LRGUK: variants seen among roughly 807,000 people sequenced by gnomAD.
The protein encoded by LRGUK is leucine-rich repeat and guanylate kinase domain-containing protein.
LRGUK carries 65 observed loss-of-function variants against 76.0 expected under a neutral mutation model. The ratio of observed to expected loss-of-function variants is 0.85; its 90% confidence interval spans 0.70 to 1.05. The LOEUF (loss-of-function observed/expected upper bound fraction) is 1.05, where lower values mean the gene tolerates loss of function less well. LRGUK is among the 50% of genes least tolerant of loss of function. The probability of loss-of-function intolerance (pLI) is 0.00; values close to 1 mark genes in which losing one functional copy is unlikely to be tolerated. For synonymous variants in LRGUK, 268 were observed against 265.6 expected (o/e 1.01, Z -0.09); for missense variants, 758 against 732.8 (o/e 1.03, Z -0.40).
rs532319659 is a variant in LRGUK at position 134,140,691 on chromosome 7, T to C, written c.487+1174T>C. On this transcript the variant is annotated intron_variant, in intron 3 of 15. Transcript: ENST00000645682. ...TCTCTGTTTGATTCTGGGGTTTTTTTCCCCTTCTAGGACCCTAATAAAGTC... is the reference window on the plus strand; with the variant it reads ...TCTCTGTTTGATTCTGGGGTTTTTTCCCCCTTCTAGGACCCTAATAAAGTC... 3.2e-3 allele frequency among the ~76,000 whole-genome samples: 490 copies of C among 152,102 alleles called. 1 individual carries two copies. The highest frequency in any genetic ancestry group is 0.011 in the African/African-American group (468 of 41,480).
chr7:134,271,772 A>G, the LRGUK span, among the ~76,000 whole-genome samples: 3 of 152,044 alleles, frequency 2.0e-5, no homozygotes, highest in African/African-American at 4.8e-5. Flanking sequence ...GGACAAATGT[A>G]TCTTTAGTGA....
At chr7:134,129,426 C>CCTCT (rs1173197144) in intron 1 of LRGUK, among the ~76,000 whole-genome samples, 3 of 41,866 alleles carry the variant, frequency 7.2e-5, no homozygotes, top group African/African-American at 3.2e-4. Flanking sequence ...CCCACCCCTC[C>CCTCT]CTCCCCTCCC....
intron 3 of LRGUK, 135 bp downstream of exon 3, chr7:134,139,652 C>A: frequency 1.7e-6 from 1 of 581,962 alleles, no homozygotes; most frequent in Non-Finnish European, 2.9e-6. Flanking sequence ...CCTTTGCTTT[C>A]CATGTAAAAA....
chr7:134,179,116 GA>G lies in LRGUK; in HGVS notation c.1214+509del, dbSNP rs111906360. Among the ~76,000 whole-genome samples the G allele has an allele frequency of 8.7e-3, 1,328 of 152,110 alleles. 26 individuals carry two copies. The highest frequency in any genetic ancestry group is 0.031 in the African/African-American group (1,272 of 41,496). On this transcript the variant is annotated intron_variant, in intron 10 of 15. Transcript: ENST00000645682. ...ACATTATTAGGGAGTCCCTTAGAAG[GA>G]AGCCCAGCTAGCCTAAGGAAAACCT...
At chr7:134,164,366 T>C (rs1798883630) in intron 7 of LRGUK, among the ~76,000 whole-genome samples, 1 of 152,158 alleles carries the variant, frequency 6.6e-6, no homozygotes, top group African/African-American at 2.4e-5. Context: ...GCATGGTGGC[T>C]TGGGGACTGG....
intron 5 of LRGUK, 120 bp downstream of exon 5, chr7:134,148,439 G>A (rs973026540): frequency 3.5e-5 from 22 of 622,166 alleles, no homozygotes; most frequent in Non-Finnish European, 5.8e-5. Flanking sequence ...TAATAGAGAC[G>A]TGACTTATTT....
At chr7:134,230,350 A>G (rs565832517) in intron 16 of LRGUK, among the ~76,000 whole-genome samples, 1 of 152,190 alleles carries the variant, frequency 6.6e-6, no homozygotes, top group Non-Finnish European at 1.5e-5. Flanking sequence ...TATAAAGACT[A>G]TCAATATGTG....
In LRGUK at chr7:134,174,540, T is replaced by G; in HGVS notation, c.940-16T>G. ...TGCATTTAGTCTGTTGATAATTTTT[T>G]TCTTTGATTGAACAGATTGCTGAGC... On this transcript the variant is annotated splice_polypyrimidine_tract_variant and intron_variant, in intron 7 of 15. Coordinates refer to ENST00000645682, the Ensembl canonical transcript of LRGUK. 6.6e-7 allele frequency: 1 copy of G among 1,525,174 alleles called. No homozygotes were observed. Among genetic ancestry groups the G allele is most frequent in the South Asian group, 1.1e-5 (1 of 87,786 alleles). The allele number at this position is 1,525,174 out of a possible 1,614,324, so 94.5% of individuals were successfully genotyped here.
At chr7:134,236,075 C>A (rs775771820) in intron 16 of LRGUK, among the ~76,000 whole-genome samples, 10 of 152,078 alleles carry the variant, frequency 6.6e-5, no homozygotes, top group African/African-American at 9.7e-5. Context: ...TCTATGTTAT[C>A]AAAATACAAT....
intron 1 of LRGUK, among the ~76,000 whole-genome samples, chr7:134,128,015 G>T (rs1384406874): frequency 6.6e-6 from 1 of 151,206 alleles, no homozygotes; most frequent in African/African-American, 2.4e-5. Context: ...TGAATAGGCA[G>T]AGTTCATCTC....
intron 5 of LRGUK, among the ~76,000 whole-genome samples, chr7:134,150,135 C>T (rs1455635410): frequency 9.9e-5 from 15 of 152,102 alleles, no homozygotes; most frequent in African/African-American, 2.9e-4. Context: ...ATTAGCCAGG[C>T]GTGGTGGCGG....
intron 1 of LRGUK, among the ~76,000 whole-genome samples, chr7:134,135,893 C>CAT (rs1797516257): frequency 2.0e-5 from 3 of 152,076 alleles, no homozygotes; most frequent in Admixed American, 1.3e-4. Context: ...CCTGACCTTG[C>CAT]GAACCGCCCA....
chr7:134,163,264 T>C, intron 6 of LRGUK, 133 bp from the exon 7 acceptor site: 1 of 690,870 alleles, frequency 1.4e-6, no homozygotes, highest in South Asian at 2.7e-5. Context: ...GGAAATGGGA[T>C]GGAGGGAAGG....
chr7:134,180,234 T>G (rs1191842541), intron 10 of LRGUK, among the ~76,000 whole-genome samples: 3 of 152,204 alleles, frequency 2.0e-5, no homozygotes, highest in Non-Finnish European at 1.5e-5. Context: ...GGTCATTTAT[T>G]TAGAGGCCTT....
chr7:134,269,866 T>C, the LRGUK span, among the ~76,000 whole-genome samples: 3 of 152,132 alleles, frequency 2.0e-5, no homozygotes, highest in Non-Finnish European at 4.4e-5. Flanking sequence ...TCAGAATATA[T>C]AAATTGATGC....
intron 5 of LRGUK, among the ~76,000 whole-genome samples, chr7:134,149,730 C>G (rs1798126510): frequency 6.6e-6 from 1 of 152,180 alleles, no homozygotes; most frequent in Admixed American, 6.5e-5. Context: ...AGAACCTTCA[C>G]TTCATGCTTG....
At chr7:134,201,225 A>T (rs1348616014) in intron 14 of LRGUK, among the ~76,000 whole-genome samples, 2 of 152,192 alleles carry the variant, frequency 1.3e-5, no homozygotes, top group Admixed American at 1.3e-4. Context: ...CCTTAACCAC[A>T]TCCGCAAAAA....
At position 134,222,632 on chromosome 7, in the gene LRGUK, G is replaced by A. The variant is rs1030005824; in HGVS notation, c.1983+714G>A. On this transcript the variant is annotated intron_variant, in intron 16 of 19. Transcript: ENST00000285928. ...TTTGTTTTGTTTTTTTTTTTGAGAC[G>A]GAGTTTTGCTCTTGTTGCCAGGCTG... Among the ~76,000 whole-genome samples the A allele has an allele frequency of 3.3e-5, 5 of 150,800 alleles. No homozygotes were observed. In the South Asian group the frequency reaches 8.4e-4, roughly 25 times the overall value.
intron 1 of LRGUK, among the ~76,000 whole-genome samples, chr7:134,130,668 C>T (rs1410733634): frequency 6.6e-6 from 1 of 152,148 alleles, no homozygotes; most frequent in African/African-American, 2.4e-5. Flanking sequence ...GTTTATTATT[C>T]CCAGTTTAGC....
Sources: gnomAD v4.1 joint callset for allele counts (sites outside exome capture counted in the v4.1 genomes callset) on GRCh38, gnomAD v4.1.1 for gene constraint, MANE v1.5 for transcripts, NCBI Gene and HGNC (gene_info 2026-07-23, HGNC 2026-07-21) for gene names.